NECAP2: variants seen among roughly 807,000 people sequenced by gnomAD.
NECAP2 encodes the protein NECAP endocytosis associated 2.
A neutral mutation model predicts 37.8 loss-of-function variants in NECAP2; 38 were observed. The observed-to-expected ratio is 1.01, with a 90% CI of 0.78 to 1.32. NECAP2 has a LOEUF of 1.32. Among genes scored for constraint, NECAP2 ranks in the 40% most tolerant of loss-of-function variants. NECAP2 has a pLI of 0.00. For missense variants in NECAP2, 316 were observed against 334.5 expected (o/e 0.94, Z 0.43); for synonymous variants, 121 against 127.7 (o/e 0.95, Z 0.35).
intron 7 of NECAP2, among the ~76,000 whole-genome samples, chr1:16,456,781 T>C (rs542659162): frequency 6.6e-6 from 1 of 152,360 alleles, no homozygotes; most frequent in Non-Finnish European, 1.5e-5. Flanking sequence ...TCACCCAGGC[T>C]GGAGTGCAGT....
At chr1:16,456,317 G>T (rs111942200) in intron 7 of NECAP2, among the ~76,000 whole-genome samples, 2,482 of 152,288 alleles carry the variant, frequency 0.016, 59 homozygotes, top group African/African-American at 0.057. Flanking sequence ...GAGCCACCGC[G>T]CCTGGCCTGA....
chr1:16,453,463 G>C (rs1244732406), intron 6 of NECAP2, among the ~76,000 whole-genome samples: 1 of 151,956 alleles, frequency 6.6e-6, no homozygotes, highest in African/African-American at 2.4e-5. Flanking sequence ...ACTACCTTAG[G>C]CCTTCCTAAG....
rs12074496 is a variant in NECAP2, at chr1:16,445,356, T to G, written c.193+1624T>G. On this transcript the variant is annotated intron_variant, in intron 2 of 7. Transcript: ENST00000337132. ...TGTTTTGGAGAGCTGTGGAGCCCAG[T>G]GAGGACATTTCACAGCATTCTTGGC... Among the ~76,000 whole-genome samples the G allele has an allele frequency of 5.3e-3, 809 of 152,318 alleles. 9 individuals are homozygous for G. The highest frequency in any genetic ancestry group is 0.018 in the African/African-American group (759 of 41,576).
At chr1:16,452,938 A>T (rs1337579014) in intron 6 of NECAP2, among the ~76,000 whole-genome samples, 1 of 152,050 alleles carries the variant, frequency 6.6e-6, no homozygotes, top group Non-Finnish European at 1.5e-5. Context: ...CCCTATCTGG[A>T]GGTCAAGCTT....
rs954033531 is a variant in NECAP2, at chr1:16,458,815, C to T, written c.744-27C>T. On this transcript the variant is annotated intron_variant, in intron 7 of 7. Transcript: ENST00000337132. ...TGTATTTTCAAAGATCTGAACTCCC[C>T]CACCCTTCCCTGTCTTCTCTTTACA... is the stretch of plus-strand genomic sequence containing the variant. The T allele has an allele frequency of 4.3e-6, 7 of 1,612,224 alleles. No individual in the cohort carries two copies. In the Admixed American group the frequency reaches 1.0e-4, roughly 23 times the overall value.
chr1:16,459,105 C>A lies in NECAP2; in HGVS notation c.*215C>A. 1 of 1,120,362 alleles carries A rather than the reference C, an allele frequency of 8.9e-7. No individual in the cohort carries two copies. Among genetic ancestry groups the A allele is most frequent in the Non-Finnish European group, 1.2e-6 (1 of 801,922 alleles). 69.4% of individuals were successfully genotyped at this position (1,120,362 alleles called of 1,614,324 possible). On this transcript the variant is annotated 3_prime_UTR_variant, in exon 8 of 8. Coordinates refer to ENST00000337132, the MANE Select transcript of NECAP2 (RefSeq NM_018090.5). ...GGGATTCAAGTATGCAACCAGAACA[C>A]AGGAGAAGAAAAGCTCCAGGATCCC...
At chr1:16,442,115 A>G in intron 1 of NECAP2, among the ~76,000 whole-genome samples, 1 of 151,838 alleles carries the variant, frequency 6.6e-6, no homozygotes, top group East Asian at 1.9e-4. Flanking sequence ...AGTAGCTGGG[A>G]TTACAGCCAT....
At chr1:16,442,912 A>AC (rs1468519564) in intron 1 of NECAP2, among the ~76,000 whole-genome samples, 1 of 152,092 alleles carries the variant, frequency 6.6e-6, no homozygotes, top group Non-Finnish European at 1.5e-5. Flanking sequence ...ACAGAGTGAG[A>AC]CCCCGTCTCA....
chr1:16,440,940 C>A (rs1199218639), intron 1 of NECAP2, 87 bp downstream of exon 1: 2 of 1,179,674 alleles, frequency 1.7e-6, no homozygotes, highest in East Asian at 5.0e-5. Flanking sequence ...CCGAGGACAG[C>A]CCTGGCCAGT....
Position 16,449,320 on chromosome 1 carries a change from G to T in NECAP2, c.489+119G>T, listed in dbSNP as rs1034809878. The T allele has an allele frequency of 7.4e-5, 50 of 673,374 alleles. No homozygotes were observed. The African/African-American group carries it at 8.5e-4, about 11-fold the overall frequency. The allele number at this position is 673,374 out of a possible 1,614,324, so 41.7% of individuals were successfully genotyped here. A position where few individuals can be genotyped will look rare whatever the true frequency, so the allele number is the denominator to read the frequency against. On this transcript the variant is annotated intron_variant, in intron 5 of 7. Coordinates refer to ENST00000337132, the MANE Select transcript of NECAP2 (RefSeq NM_018090.5). Reference sequence around the variant, plus strand: ...TTCAGCAGATGTTTAGTGAGCATCTGCCTTGTGCCAGGTCCTGCATCGGGG... The same window carrying T: ...TTCAGCAGATGTTTAGTGAGCATCTTCCTTGTGCCAGGTCCTGCATCGGGG...
rs754682275 is a variant in NECAP2 at position 16,440,794 on chromosome 1, T to C, written c.33T>C (p.Cys11=). MEESGYESVL[C]VKPDVHVYRI... is the part of the protein sequence containing the mutation. ...AGAGCGGGTACGAGTCGGTGCTCTG[T>C]GTCAAGCCTGACGTCCACGTCTACC... is the stretch of plus-strand genomic sequence containing the variant. The change falls in exon 1 of 8, where the codon TGT becomes TGC. Residue 11 remains cysteine, a synonymous_variant. Transcript: ENST00000337132. 4 of 1,614,182 alleles carry C rather than the reference T, an allele frequency of 2.5e-6. No individual in the cohort carries two copies. The highest frequency in any genetic ancestry group is 3.4e-6 in the Non-Finnish European group (4 of 1,180,016).
chr1:16,451,980 G>GA lies in NECAP2; in HGVS notation c.633dup (p.Ser212IlefsTer27). On this transcript the variant is annotated frameshift_variant, in exon 6 of 8. Coordinates refer to ENST00000337132, the MANE Select transcript of NECAP2 (RefSeq NM_018090.5). LOFTEE classifies it high-confidence loss of function. ...CCTGGGGAGCAGTTGGCTGTGGGGG[G>GA]ATCCCTCGTCCAGCCAGCAGTTGCT... The GA allele has an allele frequency of 1.2e-6, 2 of 1,606,404 alleles. No individual in the cohort carries two copies. Among genetic ancestry groups the GA allele is most frequent in the Non-Finnish European group, 1.7e-6 (2 of 1,175,992 alleles).
intron 4 of NECAP2, 30 bp downstream of exon 4, chr1:16,448,171 G>T: frequency 6.3e-7 from 1 of 1,581,050 alleles, no homozygotes; most frequent in Non-Finnish European, 8.7e-7. Context: ...ACACGCTCAT[G>T]CCCCTCCCTT....
chr1:16,443,967 G>T (rs1417798045), intron 2 of NECAP2, among the ~76,000 whole-genome samples: 2 of 152,200 alleles, frequency 1.3e-5, no homozygotes, highest in Non-Finnish European at 1.5e-5. Flanking sequence ...GGAGTCCTCA[G>T]GAAAATGTGG....
Position 16,447,882 on chromosome 1 carries a change from C to G in NECAP2, c.206C>G (p.Ala69Gly), listed in dbSNP as rs2086785808. ...LEDRTSGELF[A>G]QAPVDQFPGT... ...CCTGTGCTTTCAGGGGAGCTCTTTG[C>G]TCAGGCCCCGGTGGATCAGTTTCCT... The change falls in exon 3 of 8, where the codon GCT becomes GGT. Residue 69 changes from alanine (A) to glycine (G), a missense_variant. This residue lies in a region of NECAP2 where 81 missense variants were observed against 124.2 expected (regional missense o/e 0.65). Transcript: ENST00000337132. 3 of 1,613,978 alleles carry G rather than the reference C, an allele frequency of 1.9e-6. No individual in the cohort carries two copies. Among genetic ancestry groups the G allele is most frequent in the Non-Finnish European group, 2.5e-6 (3 of 1,179,980 alleles).
intron 2 of NECAP2, among the ~76,000 whole-genome samples, chr1:16,444,340 G>T (rs116542296): frequency 0.051 from 7,791 of 152,298 alleles, 296 homozygotes; most frequent in Non-Finnish European, 0.078. Flanking sequence ...CCCTAGTGGG[G>T]TCGGACACAG....
At chr1:16,458,783 T>C (rs1230408618) in intron 7 of NECAP2, 59 bp from the exon 8 acceptor site, 2 of 1,582,492 alleles carry the variant, frequency 1.3e-6, no homozygotes, top group Non-Finnish European at 1.7e-6. Context: ...CCAACTTTTA[T>C]CTGCTTTGTA....
chr1:16,449,938 G>C (rs1196269301), intron 5 of NECAP2: 1 of 290,192 alleles, frequency 3.4e-6, no homozygotes, highest in Non-Finnish European at 6.8e-6. Flanking sequence ...GGGGAGATGA[G>C]GTCAGAGTCA....
At chr1:16,441,220 C>A in intron 1 of NECAP2, 1 of 214,020 alleles carries the variant, frequency 4.7e-6, no homozygotes, top group Non-Finnish European at 9.5e-6. Flanking sequence ...GGGAGGTGCC[C>A]TATCACAGAC....
Sources: gnomAD v4.1 joint callset for allele counts (sites outside exome capture counted in the v4.1 genomes callset) on GRCh38, gnomAD v4.1.1 for gene constraint, gnomAD v4.1.1 regional missense constraint, MANE v1.5 for transcripts, NCBI Gene and HGNC (gene_info 2026-07-23, HGNC 2026-07-21) for gene names.